Variants in SUPT3H observed in about 807,000 individuals in gnomAD.
SUPT3H encodes the protein SPT3 homolog, SAGA and STAGA complex component, also known as transcription initiation protein SPT3 homolog.
In SUPT3H, 44 loss-of-function variants were observed where a neutral mutation model predicts 44.3. That is an observed-to-expected ratio of 0.99 (90% CI 0.78 to 1.28). The LOEUF is 1.28. SUPT3H is among the 50% of genes most tolerant of loss of function. The pLI, the probability that SUPT3H is intolerant of heterozygous loss-of-function variation, is 0.00. For missense variants in SUPT3H, 380 were observed against 387.1 expected (o/e 0.98, Z 0.15); for synonymous variants, 124 against 125.6 (o/e 0.99, Z 0.09).
intron 11 of SUPT3H, among the ~76,000 whole-genome samples, chr6:44,818,880 A>G (rs1255993969): frequency 6.6e-6 from 1 of 152,224 alleles, no homozygotes; most frequent in Non-Finnish European, 1.5e-5. Flanking sequence ...TGGGAGTGCC[A>G]TATGGTACAT....
chr6:44,904,216 A>G (rs895971321), intron 10 of SUPT3H, among the ~76,000 whole-genome samples: 11 of 152,330 alleles, frequency 7.2e-5, no homozygotes, highest in African/African-American at 2.6e-4. Context: ...TTAGGAAAAG[A>G]GGAAGTCAAA....
chr6:45,209,956 G>A (rs771587516), intron 2 of SUPT3H, among the ~76,000 whole-genome samples: 10 of 152,130 alleles, frequency 6.6e-5, no homozygotes, highest in Non-Finnish European at 1.3e-4. Flanking sequence ...TGAAGGTTCA[G>A]ACGATACCAG....
intron 4 of SUPT3H, among the ~76,000 whole-genome samples, chr6:45,020,267 T>G (rs1784926351): frequency 6.6e-6 from 1 of 151,886 alleles, no homozygotes; most frequent in Non-Finnish European, 1.5e-5. Context: ...GAGTCAGTAT[T>G]TAGTGAGTAT....
At chr6:44,837,947 C>T (rs1770217973) in intron 10 of SUPT3H, among the ~76,000 whole-genome samples, 1 of 152,162 alleles carries the variant, frequency 6.6e-6, no homozygotes, top group Non-Finnish European at 1.5e-5. Context: ...TGGCCTTCCC[C>T]CGCCTTCTCA....
At chr6:45,316,564 A>C (rs554250407) in intron 2 of SUPT3H, among the ~76,000 whole-genome samples, 6 of 152,314 alleles carry the variant, frequency 3.9e-5, no homozygotes, top group Non-Finnish European at 7.3e-5. Context: ...TGTTAGAACA[A>C]ATAAACAAAT....
chr6:44,911,520 AG>A, intron 10 of SUPT3H, among the ~76,000 whole-genome samples: 2 of 152,342 alleles, frequency 1.3e-5, no homozygotes, highest in Admixed American at 1.3e-4. Flanking sequence ...CAGCTGTATT[AG>A]TACCATCATG....
At chr6:44,973,059 A>G (rs1178610074) in intron 6 of SUPT3H, among the ~76,000 whole-genome samples, 4 of 152,120 alleles carry the variant, frequency 2.6e-5, no homozygotes, top group Non-Finnish European at 4.4e-5. Flanking sequence ...CTTCTCAGAA[A>G]ATAGGTTTAT....
chr6:44,882,509 G>C (rs1274217698), intron 10 of SUPT3H, among the ~76,000 whole-genome samples: 2 of 152,184 alleles, frequency 1.3e-5, no homozygotes, highest in Non-Finnish European at 2.9e-5. Flanking sequence ...AATAGAAAAA[G>C]AGGGACTCCT....
At chr6:45,006,117 T>C (rs1376178556) in intron 5 of SUPT3H, among the ~76,000 whole-genome samples, 1 of 152,122 alleles carries the variant, frequency 6.6e-6, no homozygotes, top group Admixed American at 6.6e-5. Context: ...TGTTAAATTA[T>C]AGCTTGCATG....
intron 10 of SUPT3H, among the ~76,000 whole-genome samples, chr6:44,923,980 A>G (rs1311235903): frequency 6.6e-6 from 1 of 152,152 alleles, no homozygotes; most frequent in Non-Finnish European, 1.5e-5. Context: ...TCAAACTTCA[A>G]TAAATATTTG....
chr6:44,816,532 T>G (rs1280069233), intron 11 of SUPT3H, among the ~76,000 whole-genome samples: 1 of 151,906 alleles, frequency 6.6e-6, no homozygotes, highest in Admixed American at 6.6e-5. Context: ...CAGACCCTGA[T>G]AGCCTCCCTG....
At chr6:45,016,922 G>C (rs1055706178) in intron 4 of SUPT3H, among the ~76,000 whole-genome samples, 1 of 151,126 alleles carries the variant, frequency 6.6e-6, no homozygotes, top group African/African-American at 2.4e-5. Context: ...TCGCCACACT[G>C]ACTTCCACAA....
intron 2 of SUPT3H, among the ~76,000 whole-genome samples, chr6:45,176,502 G>A (rs1439980717): frequency 6.6e-6 from 1 of 152,102 alleles, no homozygotes; most frequent in African/African-American, 2.4e-5. Flanking sequence ...TGGGGGAGGG[G>A]CGCCTGCCAT....
chr6:45,265,037 C>T (rs189945780), intron 2 of SUPT3H, among the ~76,000 whole-genome samples: 1 of 152,198 alleles, frequency 6.6e-6, no homozygotes, highest in East Asian at 1.9e-4. Flanking sequence ...GACAACAGCT[C>T]TAGTTACAAT....
chr6:45,193,994 CCAGTTATA>C (rs2153620886), intron 2 of SUPT3H, among the ~76,000 whole-genome samples: 1 of 152,188 alleles, frequency 6.6e-6, no homozygotes, highest in South Asian at 2.1e-4. Context: ...TTTAAACTGT[CCAGTTATA>C]CACTTGGGTC....
chr6:45,304,134 A>G (rs1782622173), intron 2 of SUPT3H, among the ~76,000 whole-genome samples: 1 of 152,212 alleles, frequency 6.6e-6, no homozygotes, highest in African/African-American at 2.4e-5. Flanking sequence ...AGTCACTCTC[A>G]CAAAGTGGAT....
At chr6:44,971,933 C>T (rs113249834) in intron 6 of SUPT3H, among the ~76,000 whole-genome samples, 78 of 151,154 alleles carry the variant, frequency 5.2e-4, no homozygotes, top group African/African-American at 1.7e-3. Context: ...CCACCACACC[C>T]GGCTAATTTT....
chr6:45,183,952 C>T (rs192562567), intron 2 of SUPT3H, among the ~76,000 whole-genome samples: 1 of 152,208 alleles, frequency 6.6e-6, no homozygotes, highest in African/African-American at 2.4e-5. Flanking sequence ...AAGGGATGAA[C>T]AGGTAGACAC....
intron 2 of SUPT3H, among the ~76,000 whole-genome samples, chr6:45,233,856 T>G (rs775338588): frequency 4.0e-5 from 6 of 151,718 alleles, no homozygotes; most frequent in Non-Finnish European, 7.3e-5. Context: ...TCTTTCCCTT[T>G]CTATTAACTC....
Sources: gnomAD v4.1 joint callset for allele counts (sites outside exome capture counted in the v4.1 genomes callset) on GRCh38, gnomAD v4.1.1 for gene constraint, MANE v1.5 for transcripts, NCBI Gene and HGNC (gene_info 2026-07-23, HGNC 2026-07-21) for gene names.